The following RGS7 variants were observed in gnomAD, a reference collection of about 807,000 sequenced individuals.
RGS7 encodes regulator of G protein signaling 7.
RGS7 carries 27 observed loss-of-function variants against 81.1 expected under a neutral mutation model. The ratio of observed to expected loss-of-function variants is 0.33; its 90% CI spans 0.25 to 0.46. The LOEUF is 0.46. Among genes scored for constraint, RGS7 ranks in the 20% least tolerant of loss-of-function variants. The pLI is 1.00. For missense variants in RGS7, 396 were observed against 607.4 expected (o/e 0.65, Z 3.66); for synonymous variants, 208 against 207.7 (o/e 1.00, Z -0.01).
intron 9 of RGS7, among the ~76,000 whole-genome samples, chr1:240,843,056 T>G (rs2147889482): frequency 6.6e-6 from 1 of 151,988 alleles, no homozygotes; most frequent in South Asian, 2.1e-4. Flanking sequence ...TCCCAGCTAC[T>G]TGGGAGGCTG....
chr1:241,178,637 G>T (rs898226635), intron 2 of RGS7, among the ~76,000 whole-genome samples: 1 of 152,220 alleles, frequency 6.6e-6, no homozygotes, highest in African/African-American at 2.4e-5. Context: ...GATAGAGAGA[G>T]TGATTAAAGC....
chr1:241,100,612 ATAACCTC>A (rs1401455004), intron 2 of RGS7, among the ~76,000 whole-genome samples: 1 of 152,176 alleles, frequency 6.6e-6, no homozygotes, highest in East Asian at 1.9e-4. Flanking sequence ...AGTAAGTTAA[ATAACCTC>A]TCTAAGACTC....
At chr1:240,932,680 T>A (rs893988326) in intron 5 of RGS7, among the ~76,000 whole-genome samples, 7 of 150,170 alleles carry the variant, frequency 4.7e-5, no homozygotes, top group Non-Finnish European at 1.0e-4. Context: ...AGCTGAGTTT[T>A]TGTATTTTTA....
intron 18 of RGS7, among the ~76,000 whole-genome samples, chr1:240,785,206 G>C (rs932889718): frequency 6.6e-6 from 1 of 152,080 alleles, no homozygotes; most frequent in Non-Finnish European, 1.5e-5. Flanking sequence ...CCTGGGTTCC[G>C]TGGCCTTTCA....
At chr1:241,120,460 G>A (rs947259769) in intron 2 of RGS7, among the ~76,000 whole-genome samples, 13 of 152,074 alleles carry the variant, frequency 8.5e-5, no homozygotes, top group South Asian at 4.1e-4. Context: ...CAATCTTCAC[G>A]CCTCAGCCTC....
At chr1:240,899,917 A>C (rs571795392) in intron 6 of RGS7, among the ~76,000 whole-genome samples, 12 of 152,308 alleles carry the variant, frequency 7.9e-5, no homozygotes, top group African/African-American at 2.6e-4. Context: ...TCAATTTCAG[A>C]TACACCAATC....
At chr1:241,285,585 G>A (rs911911261) in intron 2 of RGS7, among the ~76,000 whole-genome samples, 5 of 152,156 alleles carry the variant, frequency 3.3e-5, no homozygotes, top group Admixed American at 1.3e-4. Flanking sequence ...TACATTTGAG[G>A]AAACTGAGTT....
At chr1:241,044,854 A>G (rs2060832250) in intron 3 of RGS7, among the ~76,000 whole-genome samples, 1 of 152,248 alleles carries the variant, frequency 6.6e-6, no homozygotes, top group South Asian at 2.1e-4. Context: ...ACAAGAATTT[A>G]GAGCAATGCT....
chr1:240,950,573 A>G (rs1572923667), intron 4 of RGS7, among the ~76,000 whole-genome samples: 1 of 152,212 alleles, frequency 6.6e-6, no homozygotes, highest in East Asian at 1.9e-4. Flanking sequence ...GAACACTTGC[A>G]AAGGTCACAG....
chr1:240,981,042 T>C (rs1469394279), intron 4 of RGS7, among the ~76,000 whole-genome samples: 2 of 152,164 alleles, frequency 1.3e-5, no homozygotes, highest in East Asian at 3.9e-4. Context: ...TACTAGCTTA[T>C]GATATCTGTG....
intron 2 of RGS7, among the ~76,000 whole-genome samples, chr1:241,338,471 T>C (rs919922081): frequency 3.9e-5 from 6 of 152,126 alleles, no homozygotes; most frequent in African/African-American, 7.2e-5. Context: ...ACCTGTCACA[T>C]GAGGAACCAA....
chr1:240,970,564 G>A (rs1683037958), intron 4 of RGS7, among the ~76,000 whole-genome samples: 1 of 152,222 alleles, frequency 6.6e-6, no homozygotes, highest in Admixed American at 6.5e-5. Flanking sequence ...GGACTGCACT[G>A]GATGGCACTG....
At chr1:241,044,418 A>C (rs1228910504) in intron 3 of RGS7, among the ~76,000 whole-genome samples, 1 of 151,368 alleles carries the variant, frequency 6.6e-6, no homozygotes, top group Non-Finnish European at 1.5e-5. Context: ...CCCTGAATTC[A>C]TTCGTTTGTT....
At chr1:241,261,662 T>C (rs1306721851) in intron 2 of RGS7, among the ~76,000 whole-genome samples, 1 of 150,556 alleles carries the variant, frequency 6.6e-6, no homozygotes, top group Non-Finnish European at 1.5e-5. Context: ...AGGGCAATGA[T>C]TTAGATAGTC....
rs908781731 is a variant in RGS7, at chr1:240,814,875, T to C, written c.784-98A>G. 11 of 808,110 alleles carry C rather than the reference T, an allele frequency of 1.4e-5. No individual in the cohort carries two copies. In the African/African-American group the frequency reaches 1.5e-4, roughly 11 times the overall value. The allele number at this position is 808,110 out of a possible 1,614,324, so 50.1% of individuals were successfully genotyped here. A position where few individuals can be genotyped will look rare whatever the true frequency, so the allele number is the denominator to read the frequency against. ...AGCTGGGCAATTCTGAACAAGAGTA[T>C]AGTCTACGTCAGTACAATTTCAAAG... On this transcript the variant is annotated intron_variant, in intron 11 of 18. Transcript: ENST00000440928.
intron 15 of RGS7, among the ~76,000 whole-genome samples, chr1:240,803,903 A>G (rs1688412225): frequency 6.6e-6 from 1 of 151,596 alleles, no homozygotes; most frequent in South Asian, 2.1e-4. Context: ...AAATGACTCC[A>G]GTTCTCTGGT....
chr1:240,984,316 C>T (rs1365848598), intron 3 of RGS7, among the ~76,000 whole-genome samples: 7 of 152,040 alleles, frequency 4.6e-5, no homozygotes, highest in Non-Finnish European at 7.3e-5. Flanking sequence ...GCAAGGCAGT[C>T]GACATGTCTA....
intron 4 of RGS7, among the ~76,000 whole-genome samples, chr1:240,958,044 G>A (rs1680743310): frequency 6.6e-6 from 1 of 152,182 alleles, no homozygotes; most frequent in Non-Finnish European, 1.5e-5. Flanking sequence ...GGCACAAAAA[G>A]GCCCCTAGGC....
intron 3 of RGS7, among the ~76,000 whole-genome samples, chr1:241,089,182 C>G (rs2063712227): frequency 6.8e-6 from 1 of 146,788 alleles, no homozygotes; most frequent in Non-Finnish European, 1.5e-5. Context: ...AAAAGCAGAG[C>G]AGGGATAAGT....
Sources: allele counts gnomAD v4.1 joint callset (sites outside exome capture counted in the v4.1 genomes callset), GRCh38; gene constraint gnomAD v4.1.1; transcripts MANE v1.5; gene names NCBI Gene and HGNC (gene_info 2026-07-23, HGNC 2026-07-21).